Variants in SUMF1 observed in about 807,000 individuals in gnomAD.
The protein encoded by SUMF1 is formylglycine-generating enzyme.
In SUMF1, 48 loss-of-function variants were observed where a neutral mutation model predicts 47.6. The observed-to-expected ratio is 1.01, with a 90% CI of 0.80 to 1.28. The LOEUF (loss-of-function observed/expected upper bound fraction) is 1.28. Among genes scored for constraint, SUMF1 ranks in the 50% most tolerant of loss-of-function variants. The pLI is 0.00. For missense variants in SUMF1, 571 were observed against 485.4 expected (o/e 1.18, Z -1.66); for synonymous variants, 230 against 192.1 (o/e 1.20, Z -1.63).
chr3:4,180,892 G>A (rs1695082174), intron 8 of SUMF1, among the ~76,000 whole-genome samples: 3 of 151,960 alleles, frequency 2.0e-5, no homozygotes, highest in Admixed American at 6.6e-5. Context: ...TCCCCACATG[G>A]TTGGTAAGAA....
chr3:4,300,529 C>G (rs1455465583), intron 8 of SUMF1, among the ~76,000 whole-genome samples: 2 of 152,010 alleles, frequency 1.3e-5, no homozygotes, highest in African/African-American at 4.8e-5. Context: ...ATTTATAAGG[C>G]TGATCTTTAA....
At chr3:4,132,234 AT>A (rs1287139428) in intron 8 of SUMF1, among the ~76,000 whole-genome samples, 1 of 152,172 alleles carries the variant, frequency 6.6e-6, no homozygotes, top group African/African-American at 2.4e-5. Flanking sequence ...CCATCATGGT[AT>A]TCCACACAGC....
chr3:4,189,397 A>C (rs538982223), intron 8 of SUMF1, among the ~76,000 whole-genome samples: 69 of 152,186 alleles, frequency 4.5e-4, no homozygotes, highest in Non-Finnish European at 8.1e-4. Flanking sequence ...TTTAAAAGAC[A>C]GGCATGTTAA....
chr3:4,067,531 C>T (rs955729343), intron 9 of SUMF1, among the ~76,000 whole-genome samples: 1 of 152,110 alleles, frequency 6.6e-6, no homozygotes, highest in African/African-American at 2.4e-5. Context: ...AAAACTGACC[C>T]CAAGTCATAA....
chr3:4,039,883 C>T (rs547671411), intron 9 of SUMF1, among the ~76,000 whole-genome samples: 35 of 152,046 alleles, frequency 2.3e-4, no homozygotes, highest in Non-Finnish European at 3.5e-4. Context: ...ATTCACTGGA[C>T]ACGGTGGCAT....
intron 8 of SUMF1, among the ~76,000 whole-genome samples, chr3:4,139,782 C>A (rs575337490): frequency 9.9e-5 from 15 of 151,750 alleles, no homozygotes; most frequent in Middle Eastern, 3.4e-3. Flanking sequence ...AAAAAAAATC[C>A]CCCCTTTACA....
At chr3:4,466,769 C>G (rs2079958409) in intron 1 of SUMF1, among the ~76,000 whole-genome samples, 1 of 152,158 alleles carries the variant, frequency 6.6e-6, no homozygotes, top group African/African-American at 2.4e-5. Context: ...AACAATAACC[C>G]TCAAACCAAA....
intron 8 of SUMF1, among the ~76,000 whole-genome samples, chr3:4,344,902 G>C (rs1456948785): frequency 6.6e-6 from 1 of 151,990 alleles, no homozygotes; most frequent in Non-Finnish European, 1.5e-5. Context: ...AGTGTCAATA[G>C]CCAAATACAG....
intron 8 of SUMF1, among the ~76,000 whole-genome samples, chr3:4,295,091 A>C (rs1697823367): frequency 6.6e-6 from 1 of 152,154 alleles, no homozygotes. Context: ...TTTCCAAGAG[A>C]TGCTTTAGAC....
At position 4,254,464 on chromosome 3, in the gene SUMF1, A is replaced by C. The variant is rs1325086854; in HGVS notation, c.1014+121866T>G. On this transcript the variant is annotated intron_variant and NMD_transcript_variant, in intron 8 of 12. Coordinates refer to the SUMF1 transcript ENST00000448413. ...ACCAAGGCTCGAGAACTACGTGAAG[A>C]ATGCAGAAGCCTCAGGAGCCGATGC... 3.6e-4 allele frequency among the ~76,000 whole-genome samples: 55 copies of C among 150,992 alleles called. 1 individual carries two copies. The highest frequency in any genetic ancestry group is 6.4e-4 in the Non-Finnish European group (43 of 67,678).
intron 8 of SUMF1, among the ~76,000 whole-genome samples, chr3:4,207,888 G>A (rs908313295): frequency 5.3e-5 from 8 of 152,064 alleles, no homozygotes; most frequent in Non-Finnish European, 1.0e-4. Flanking sequence ...ATTGACAATT[G>A]CTGGAGACTC....
intron 8 of SUMF1, among the ~76,000 whole-genome samples, chr3:4,362,922 GA>G (rs149602676): frequency 6.0e-5 from 9 of 149,094 alleles, no homozygotes; most frequent in African/African-American, 1.7e-4. Context: ...TCCAAAAAAA[GA>G]AAAAAAAACA....
intron 8 of SUMF1, among the ~76,000 whole-genome samples, chr3:4,145,115 C>G (rs1366701573): frequency 1.3e-5 from 2 of 150,996 alleles, no homozygotes; most frequent in Non-Finnish European, 2.9e-5. Context: ...AGGAGATGAA[C>G]CCAGGAGGCG....
chr3:4,303,253 C>A (rs960960935), intron 8 of SUMF1: 5 of 1,184,594 alleles, frequency 4.2e-6, no homozygotes, highest in Non-Finnish European at 5.7e-6. Flanking sequence ...CCAGGCCACT[C>A]CTGAGAAGAA....
chr3:4,065,988 C>G (rs905813830), intron 9 of SUMF1, among the ~76,000 whole-genome samples: 20 of 152,206 alleles, frequency 1.3e-4, no homozygotes, highest in African/African-American at 4.8e-4. Context: ...CTTCTGCCTC[C>G]CTTCCTGCTC....
intron 8 of SUMF1, among the ~76,000 whole-genome samples, chr3:4,189,710 A>G (rs999143884): frequency 5.9e-4 from 19 of 32,442 alleles, no homozygotes; most frequent in African/African-American, 2.2e-3. Context: ...AAGGAAGGAG[A>G]AGAAAACTAA....
At chr3:4,294,700 G>A (rs958970989) in intron 8 of SUMF1, among the ~76,000 whole-genome samples, 3 of 152,060 alleles carry the variant, frequency 2.0e-5, no homozygotes, top group Admixed American at 6.5e-5. Context: ...TGTCTGGAAA[G>A]AAAGCAATAT....
chr3:4,210,110 G>A (rs372978466), intron 8 of SUMF1, among the ~76,000 whole-genome samples: 2 of 152,152 alleles, frequency 1.3e-5, no homozygotes, highest in South Asian at 4.2e-4. Flanking sequence ...AGCCAGGCTG[G>A]TCTTGAACTC....
At chr3:4,196,681 T>C (rs1181843928) in intron 8 of SUMF1, among the ~76,000 whole-genome samples, 1 of 152,110 alleles carries the variant, frequency 6.6e-6, no homozygotes, top group African/African-American at 2.4e-5. Flanking sequence ...TCCCTCTCTC[T>C]GGCCTCCTGG....
Sources: allele counts gnomAD v4.1 joint callset (sites outside exome capture counted in the v4.1 genomes callset), GRCh38; gene constraint gnomAD v4.1.1; transcripts MANE v1.5; gene names NCBI Gene and HGNC (gene_info 2026-07-23, HGNC 2026-07-21).